Variants in MGAM2 observed in about 807,000 individuals in gnomAD.
The protein encoded by MGAM2 is probable maltase-glucoamylase 2.
MGAM2 carries 98 observed loss-of-function variants against 96.1 expected under a neutral mutation model. The observed-to-expected ratio is 1.02, with a 90% CI of 0.87 to 1.21. The LOEUF is 1.21. Among genes scored for constraint, MGAM2 ranks in the 50% most tolerant of loss-of-function variants. The pLI, the probability that MGAM2 is intolerant of heterozygous loss-of-function variation, is 0.00. For synonymous variants in MGAM2, 749 were observed against 414.8 expected (o/e 1.81, Z -9.79); for missense variants, 2,055 against 1,182.4 (o/e 1.74, Z -10.82).
intron 24 of MGAM2, among the ~76,000 whole-genome samples, chr7:142,165,544 C>T (rs1796005542): frequency 6.6e-6 from 1 of 152,134 alleles, no homozygotes; most frequent in Non-Finnish European, 1.5e-5. Flanking sequence ...AGATCAGCCC[C>T]CTTCCATGTT....
chr7:142,173,467 G>A, intron 31 of MGAM2, 113 bp downstream of exon 31: 1 of 596,874 alleles, frequency 1.7e-6, no homozygotes, highest in East Asian at 2.7e-5. Context: ...CATTCAGGCT[G>A]AATTTTTTTT....
At chr7:142,117,595 C>G (rs1817456746) in intron 2 of MGAM2, among the ~76,000 whole-genome samples, 1 of 152,154 alleles carries the variant, frequency 6.6e-6, no homozygotes, top group Admixed American at 6.5e-5. Flanking sequence ...GCTCACTTTA[C>G]AGATGTGAAT....
intron 22 of MGAM2, among the ~76,000 whole-genome samples, chr7:142,161,654 G>C (rs1031147832): frequency 6.6e-6 from 1 of 152,180 alleles, no homozygotes; most frequent in Non-Finnish European, 1.5e-5. Context: ...CATGGAATTA[G>C]TATGTATTGT....
intron 1 of MGAM2, among the ~76,000 whole-genome samples, chr7:142,115,858 A>C (rs892518815): frequency 1.3e-5 from 2 of 152,208 alleles, no homozygotes; most frequent in Non-Finnish European, 2.9e-5. Context: ...ATATATAAAT[A>C]AATAAATAAA....
chr7:142,144,612 A>G (rs554467677), intron 13 of MGAM2, among the ~76,000 whole-genome samples: 1 of 152,356 alleles, frequency 6.6e-6, no homozygotes, highest in South Asian at 2.1e-4. Context: ...AAATCAATTT[A>G]TAAAAAGTAA....
chr7:142,127,934 G>A (rs1301137488), intron 3 of MGAM2, among the ~76,000 whole-genome samples: 1 of 152,204 alleles, frequency 6.6e-6, no homozygotes, highest in Non-Finnish European at 1.5e-5. Flanking sequence ...AAATGTGGAA[G>A]CGACTTTGGA....
intron 26 of MGAM2, among the ~76,000 whole-genome samples, chr7:142,169,206 G>A (rs914642998): frequency 1.3e-5 from 2 of 152,134 alleles, no homozygotes; most frequent in African/African-American, 4.8e-5. Flanking sequence ...CGAGGCAGGT[G>A]AGGTCAGGAG....
chr7:142,209,937 C>G (rs1273281443), intron 46 of MGAM2, among the ~76,000 whole-genome samples: 1 of 152,186 alleles, frequency 6.6e-6, no homozygotes, highest in Non-Finnish European at 1.5e-5. Context: ...CAAATAGGAA[C>G]AGCTCTGGCC....
chr7:142,164,590 T>G (rs1431244407), intron 23 of MGAM2, among the ~76,000 whole-genome samples: 1 of 152,174 alleles, frequency 6.6e-6, no homozygotes, highest in African/African-American at 2.4e-5. Context: ...GCTTGAAAAT[T>G]CTACAGTGTC....
In MGAM2 at chr7:142,189,332, T is replaced by C. The variant is rs909732681; in HGVS notation, c.4208-35T>C. On this transcript the variant is annotated intron_variant, in intron 36 of 47. Transcript: ENST00000477922. The stretch of plus-strand genomic sequence containing the variant: ...GCATTTCTAGTGAATGTGCAAATCA[T>C]GTTGTTTAGGAAATAACTCAACATT... 4.7e-6 allele frequency: 3 copies of C among 642,858 alleles called. No individual in the cohort carries two copies. In the Admixed American group the frequency reaches 7.5e-5, roughly 16 times the overall value. The allele number at this position is 642,858 out of a possible 1,614,324, so 39.8% of individuals were successfully genotyped here.
chr7:142,151,137 G>A (rs2129083750), intron 15 of MGAM2, among the ~76,000 whole-genome samples: 1 of 152,228 alleles, frequency 6.6e-6, no homozygotes, highest in Non-Finnish European at 1.5e-5. Context: ...CTTTTTGAGG[G>A]CAAAGTCAGC....
chr7:142,161,846 A>G, intron 22 of MGAM2, 109 bp from the exon 23 acceptor site: 1 of 526,848 alleles, frequency 1.9e-6, no homozygotes, highest in South Asian at 2.8e-5. Flanking sequence ...AACTCAGATG[A>G]GCAGAACTAG....
At chr7:142,152,972 T>C (rs991681892) in intron 15 of MGAM2, among the ~76,000 whole-genome samples, 2 of 150,164 alleles carry the variant, frequency 1.3e-5, no homozygotes, top group African/African-American at 4.9e-5. Flanking sequence ...TCTGTGCTTT[T>C]AATTTCTTTG....
intron 2 of MGAM2, 57 bp downstream of exon 2, chr7:142,117,036 C>T (rs1817431912): frequency 1.4e-6 from 1 of 701,268 alleles, no homozygotes; most frequent in East Asian, 2.7e-5. Context: ...CTGTAAACGC[C>T]AAAGAGATTA....
At chr7:142,123,004 A>G (rs1297206981) in intron 3 of MGAM2, among the ~76,000 whole-genome samples, 1 of 151,910 alleles carries the variant, frequency 6.6e-6, no homozygotes, top group Non-Finnish European at 1.5e-5. Flanking sequence ...TAATTTTTGT[A>G]TTTTTAGTAG....
At chr7:142,200,440 G>A (rs1452826479) in intron 45 of MGAM2, among the ~76,000 whole-genome samples, 1 of 152,140 alleles carries the variant, frequency 6.6e-6, no homozygotes, top group Non-Finnish European at 1.5e-5. Context: ...TTGCCCAAAG[G>A]ATACTTACAT....
Position 142,175,789 on chromosome 7 carries a change from T to A in MGAM2, c.3816+9T>A. 1 of 702,408 alleles carries A rather than the reference T, an allele frequency of 1.4e-6. No homozygotes were observed. Among genetic ancestry groups the A allele is most frequent in the Non-Finnish European group, 2.6e-6 (1 of 384,692 alleles). 43.5% of individuals were successfully genotyped at this position (702,408 alleles called of 1,614,324 possible). A position where few individuals can be genotyped will look rare whatever the true frequency, so the allele number is the denominator to read the frequency against. ...GATTTATTCTCATTTTGGTATGTAT[T>A]GAGACAGATCAGATCCTACTTTCTG... is the stretch of plus-strand genomic sequence containing the variant. On this transcript the variant is annotated intron_variant, in intron 32 of 47. Coordinates refer to ENST00000477922, the MANE Select transcript of MGAM2 (RefSeq NM_001293626.2).
intron 31 of MGAM2, among the ~76,000 whole-genome samples, chr7:142,175,283 C>G (rs9986745): frequency 0.062 from 9,483 of 152,132 alleles, 494 homozygotes; most frequent in African/African-American, 0.14. Context: ...GATATACAAT[C>G]CTGTTTGTTT....
chr7:142,167,483 C>G lies in MGAM2; in HGVS notation c.3024C>G (p.Val1008=), dbSNP rs1195443983. The G allele has an allele frequency of 1.4e-6, 1 of 702,992 alleles. No homozygotes were observed. The highest frequency in any genetic ancestry group is 2.6e-6 in the Non-Finnish European group (1 of 384,976). 43.5% of individuals were successfully genotyped at this position (702,992 alleles called of 1,614,324 possible). A position where few individuals can be genotyped will look rare whatever the true frequency, so the allele number is the denominator to read the frequency against. ...ATCACACAGCAACCATGCTGCAGGT[C>G]AAGGTAAGGCCCATGTTGCAGATTC... ...VIYHTATMLQ[V]KIYDPTNKRY... The change falls in exon 26 of 48, where the codon GTC becomes GTG. Residue 1008 remains valine (V), a synonymous_variant. Transcript: ENST00000477922.
Sources: allele counts gnomAD v4.1 joint callset (sites outside exome capture counted in the v4.1 genomes callset), GRCh38; gene constraint gnomAD v4.1.1; transcripts MANE v1.5; gene names NCBI Gene and HGNC (gene_info 2026-07-23, HGNC 2026-07-21).